RBM44: variants seen among roughly 807,000 people sequenced by gnomAD.
The protein encoded by RBM44 is RNA binding motif protein 44.
A neutral mutation model predicts 105.1 loss-of-function variants in RBM44; 66 were observed. The observed-to-expected ratio is 0.63, with a 90% confidence interval of 0.52 to 0.77. The LOEUF is 0.77. Ranked by LOEUF, RBM44 falls within the 30% of genes least tolerant of loss-of-function variation. RBM44 has a pLI of 0.00. For synonymous variants in RBM44, 365 were observed against 417.6 expected (o/e 0.87, Z 1.54); for missense variants, 1,122 against 1,207.8 (o/e 0.93, Z 1.05).
At position 237,803,277 on chromosome 2, in the gene RBM44, T is replaced by A. The variant is rs2061564481; in HGVS notation, c.-19+4416T>A. Among the ~76,000 whole-genome samples the A allele has an allele frequency of 6.6e-6, 1 of 151,476 alleles. No homozygotes were observed. Among genetic ancestry groups the A allele is most frequent in the African/African-American group, 2.4e-5 (1 of 41,168 alleles). On this transcript the variant is annotated intron_variant, in intron 1 of 15. Coordinates refer to ENST00000316997, the MANE Select transcript of RBM44 (RefSeq NM_001080504.3). The surrounding 1 kb of genome is among the most constrained non-coding windows in gnomAD (Gnocchi z 4.2). ...GCGAGACACACACACACACACAGTC[T>A]CTCTGTCTCTGGGTGACAGAGCGAG... is the stretch of plus-strand genomic sequence containing the variant.
In RBM44 at chr2:237,823,509, G is replaced by T. The variant is rs777324566; in HGVS notation, c.2275G>T (p.Gly759Cys). 1 of 1,541,612 alleles carries T rather than the reference G, an allele frequency of 6.5e-7. No individual in the cohort carries two copies. The highest frequency in any genetic ancestry group is 1.2e-5 in the South Asian group (1 of 83,842). ...ACCCAAGAAAGATGACTTTAAAAAT[G>T]GTGATATAAATGCAGACTTTAGTCA... ...ISPKKDDFKN[G>C]DINADFSQLK... Residue 759 changes from glycine (G) to cysteine (C), a missense_variant, in exon 9 of 16, where the codon GGT becomes TGT. Transcript: ENST00000316997.
intron 13 of RBM44, 112 bp downstream of exon 13, chr2:237,829,614 T>C (rs2061884071): frequency 1.1e-6 from 1 of 943,730 alleles, no homozygotes; most frequent in Non-Finnish European, 1.6e-6. Flanking sequence ...ATGACAGCAT[T>C]AATCTGAATT....
At chr2:237,807,332 T>C (rs2061609593) in intron 1 of RBM44, among the ~76,000 whole-genome samples, 1 of 152,144 alleles carries the variant, frequency 6.6e-6, no homozygotes, top group East Asian at 1.9e-4. Context: ...ATATTTTTAG[T>C]AGAGACGGAG....
chr2:237,800,592 A>G lies in RBM44; in HGVS notation c.-19+1731A>G, dbSNP rs2061535407. On this transcript the variant is annotated intron_variant, in intron 1 of 15. Coordinates refer to ENST00000316997, the MANE Select transcript of RBM44 (RefSeq NM_001080504.3). ...TTTGAAAATATGTTTTTAATTTAAAATTTTACTTAAGTAACGAATGTATTT... is the reference window on the plus strand; with the variant it reads ...TTTGAAAATATGTTTTTAATTTAAAGTTTTACTTAAGTAACGAATGTATTT... 1.3e-5 allele frequency among the ~76,000 whole-genome samples: 2 copies of G among 152,208 alleles called. 1 individual carries two copies. The highest frequency in any genetic ancestry group is 1.3e-4 in the Admixed American group (2 of 15,280).
Position 237,827,517 on chromosome 2 carries a change from CT to C in RBM44, c.2600+17del. ...TACTAATTACAGGTGTGTTTCCCAACTTTAATCAATGTGCATTATTATGTGT... is the reference window on the plus strand; with the variant it reads ...TACTAATTACAGGTGTGTTTCCCAACTTAATCAATGTGCATTATTATGTGT... On this transcript the variant is annotated intron_variant, in intron 12 of 15. Transcript: ENST00000316997. The C allele has an allele frequency of 7.2e-7, 1 of 1,383,226 alleles. No homozygotes were observed. The highest frequency in any genetic ancestry group is 1.4e-5 in the African/African-American group (1 of 69,282). 85.7% of individuals were successfully genotyped at this position (1,383,226 alleles called of 1,614,324 possible). A position where few individuals can be genotyped will look rare whatever the true frequency, so the allele number is the denominator to read the frequency against.
At position 237,819,158 on chromosome 2, in the gene RBM44, C is replaced by T. The variant is rs187192125; in HGVS notation, c.1736+199C>T. On this transcript the variant is annotated intron_variant, in intron 4 of 15. Transcript: ENST00000316997. ...GCTCTTCACTTATTGAGATTTCAGTCTCAATTTCTTCAGAAACTCATGGCA... is the reference window on the plus strand; with the variant it reads ...GCTCTTCACTTATTGAGATTTCAGTTTCAATTTCTTCAGAAACTCATGGCA... 2.6e-3 allele frequency among the ~76,000 whole-genome samples: 397 copies of T among 152,156 alleles called. 1 individual carries two copies. Among genetic ancestry groups the T allele is most frequent in the Middle Eastern group, 0.024 (7 of 294 alleles).
chr2:237,821,455 AT>A, intron 7 of RBM44, 87 bp downstream of exon 7: 1 of 963,442 alleles, frequency 1.0e-6, no homozygotes, highest in Non-Finnish European at 1.6e-6. Context: ...TTTGTTCCCT[AT>A]TTAGAACATT....
At chr2:237,814,899 C>T (rs1408153547) in intron 2 of RBM44, among the ~76,000 whole-genome samples, 1 of 151,542 alleles carries the variant, frequency 6.6e-6, no homozygotes, top group African/African-American at 2.4e-5. Flanking sequence ...AACCCCCACC[C>T]CCCCCTACAC....
chr2:237,838,770 A>G (rs2061982823), intron 15 of RBM44, among the ~76,000 whole-genome samples: 2 of 152,224 alleles, frequency 1.3e-5, no homozygotes, highest in African/African-American at 2.4e-5. Flanking sequence ...GGGAAAAGGT[A>G]CATAAGGTAA....
In RBM44 at chr2:237,818,086, A is replaced by C. The variant is rs2061741127; in HGVS notation, c.1167A>C (p.Ile389=). The C allele has an allele frequency of 1.9e-6, 3 of 1,612,772 alleles. No homozygotes were observed. The African/African-American group carries it at 4.0e-5, about 22-fold the overall frequency. ...TSWTSVFDDS[I]ISACGYYESL... is the part of the protein sequence containing the mutation. ...GGACCTCTGTTTTTGATGATTCGAT[A>C]ATTTCTGCCTGTGGATATTATGAAA... The change falls in exon 3 of 16, where the codon ATA becomes ATC. Residue 389 remains isoleucine (I), a synonymous_variant. Coordinates refer to ENST00000316997, the MANE Select transcript of RBM44 (RefSeq NM_001080504.3). This position sits in a 1 kb window ranked among gnomAD's most constrained non-coding sequence, Gnocchi z 4.6.
At position 237,827,449 on chromosome 2, in the gene RBM44, AT is replaced by A; in HGVS notation, c.2549del (p.Phe850SerfsTer32). On this transcript the variant is annotated frameshift_variant, in exon 12 of 16. Transcript: ENST00000316997. LOFTEE classifies it high-confidence loss of function. Reference protein sequence around the residue: ...PSVSEADLRSHFQKYQVSEIS... With the variant: ...PSVSEADLRSXFQKYQVSEIS... Reference sequence around the variant, plus strand: ...TTCTTTTAGGCCGATTTAAGGTCTCATTTCCAAAAATACCAAGTTTCTGAAA... The same window carrying A: ...TTCTTTTAGGCCGATTTAAGGTCTCATTCCAAAAATACCAAGTTTCTGAAA... 6.5e-7 allele frequency: 1 copy of A among 1,532,270 alleles called. No homozygotes were observed. The highest frequency in any genetic ancestry group is 8.8e-7 in the Non-Finnish European group (1 of 1,130,340). 94.9% of individuals were successfully genotyped at this position (1,532,270 alleles called of 1,614,324 possible).
intron 15 of RBM44, chr2:237,834,891 A>G (rs1228252050): frequency 6.6e-6 from 1 of 152,670 alleles, no homozygotes; most frequent in African/African-American, 2.4e-5. Flanking sequence ...TAAGCAAGAG[A>G]GAGAGAGAGC....
rs745594074 is a variant in RBM44, at chr2:237,813,689, G to T, written c.73+7G>T. 6.3e-7 allele frequency: 1 copy of T among 1,584,872 alleles called. No homozygotes were observed. The highest frequency in any genetic ancestry group is 1.1e-5 in the South Asian group (1 of 90,430). ...GGAGGCAACCTCCAAAAAGGTAAGG[G>T]TCTAGTCCACTTACCCTTATTCTTG... is the stretch of plus-strand genomic sequence containing the variant. On this transcript the variant is annotated splice_region_variant and intron_variant, in intron 2 of 15. Transcript: ENST00000316997.
At chr2:237,831,202 T>G (rs535513434) in intron 13 of RBM44, among the ~76,000 whole-genome samples, 2 of 142,698 alleles carry the variant, frequency 1.4e-5, no homozygotes, top group African/African-American at 5.0e-5. Flanking sequence ...CACTTGACTT[T>G]GCATTCCTTT....
rs1238394423 is a variant in RBM44, at chr2:237,817,345, G to A, written c.426G>A (p.Glu142=). The part of the protein sequence containing the change: ...ELDPEVQKKE[E]VFFNILEHQD... The stretch of plus-strand genomic sequence containing the variant: ...ATCCTGAAGTGCAGAAAAAAGAGGA[G>A]GTTTTTTTTAATATTTTGGAACATC... Residue 142 remains glutamate (E), a synonymous_variant, in exon 3 of 16, where the codon GAG becomes GAA. Coordinates refer to ENST00000316997, the MANE Select transcript of RBM44 (RefSeq NM_001080504.3). The A allele has an allele frequency of 6.2e-7, 1 of 1,601,118 alleles. No individual in the cohort carries two copies.
rs1225051288 is a variant in RBM44 at position 237,842,022 on chromosome 2, C to G, written c.*206C>G. ...TGTCTATACAATATTAAGATCTTCT[C>G]TATATATTTAAAGTTAAAATATAAT... is the stretch of plus-strand genomic sequence containing the variant. On this transcript the variant is annotated 3_prime_UTR_variant, in exon 16 of 16. Coordinates refer to ENST00000316997, the MANE Select transcript of RBM44 (RefSeq NM_001080504.3). 1 of 151,940 alleles carries G rather than the reference C, an allele frequency of 6.6e-6. No homozygotes were observed. The allele number at this position is 151,940 out of a possible 1,614,324, so 9.4% of individuals were successfully genotyped here.
At chr2:237,833,864 A>G (rs1218271229) in intron 13 of RBM44, 133 bp from the exon 14 acceptor site, 1 of 468,472 alleles carries the variant, frequency 2.1e-6, no homozygotes, top group Non-Finnish European at 3.5e-6. Context: ...AACAATCCCA[A>G]GTTAAAGTAA....
intron 8 of RBM44, among the ~76,000 whole-genome samples, chr2:237,822,767 C>G (rs1326134374): frequency 6.6e-6 from 1 of 151,796 alleles, no homozygotes; most frequent in Non-Finnish European, 1.5e-5. Context: ...GTTTTATAAT[C>G]TTGGTTTTGG....
At chr2:237,831,976 C>T (rs557324027) in intron 13 of RBM44, among the ~76,000 whole-genome samples, 2 of 152,176 alleles carry the variant, frequency 1.3e-5, no homozygotes, top group East Asian at 3.9e-4. Flanking sequence ...CATGTGGTCT[C>T]CTGCCTCTGC....
Sources: gnomAD v4.1 joint callset for allele counts (sites outside exome capture counted in the v4.1 genomes callset) on GRCh38, gnomAD v4.1.1 for gene constraint, Gnocchi (gnomAD v3.1) non-coding constraint, MANE v1.5 for transcripts, NCBI Gene and HGNC (gene_info 2026-07-23, HGNC 2026-07-21) for gene names.